TECPR2: variants seen among roughly 807,000 people sequenced by gnomAD.
TECPR2 encodes tectonin beta-propeller repeat-containing protein 2.
In TECPR2, 65 loss-of-function variants were observed where a neutral mutation model predicts 138.1. The observed-to-expected ratio is 0.47, with a 90% CI of 0.39 to 0.58. The LOEUF (loss-of-function observed/expected upper bound fraction) is 0.58, where lower values mean the gene tolerates loss of function less well. Ranked by LOEUF, TECPR2 falls within the 20% of genes least tolerant of loss-of-function variation. The pLI, the probability that TECPR2 is intolerant of heterozygous loss-of-function variation, is 0.00. For missense variants in TECPR2, 1,553 were observed against 1,824.5 expected, an observed-to-expected ratio of 0.85 and a Z score of 2.71; for synonymous variants, 746 against 749.8, an observed-to-expected ratio of 0.99 and a Z score of 0.08.
chr14:102,476,825 C>T (rs1332278518), intron 17 of TECPR2, among the ~76,000 whole-genome samples: 8 of 151,918 alleles, frequency 5.3e-5, no homozygotes, highest in Admixed American at 4.6e-4. Context: ...GAGGCTGAGG[C>T]GAGCAGATTG....
intron 16 of TECPR2, among the ~76,000 whole-genome samples, chr14:102,453,490 A>G (rs1160806488): frequency 5.3e-5 from 8 of 152,112 alleles, no homozygotes; most frequent in East Asian, 1.9e-4. Context: ...AAAAAAAAAA[A>G]AAGAAGAAGA....
At chr14:102,492,948 G>A (rs757263559) in intron 17 of TECPR2, among the ~76,000 whole-genome samples, 52 of 152,198 alleles carry the variant, frequency 3.4e-4, no homozygotes, top group Non-Finnish European at 6.2e-4. Context: ...TTCCAGAGAC[G>A]TTGCGAGGTG....
At chr14:102,481,201 T>A (rs908970108) in intron 17 of TECPR2, among the ~76,000 whole-genome samples, 1 of 151,672 alleles carries the variant, frequency 6.6e-6, no homozygotes, top group African/African-American at 2.4e-5. Context: ...ACGGGGTTTC[T>A]CCATGTTGGC....
intron 17 of TECPR2, among the ~76,000 whole-genome samples, chr14:102,492,245 T>C (rs1891173417): frequency 6.6e-6 from 1 of 152,170 alleles, no homozygotes; most frequent in Admixed American, 6.5e-5. Flanking sequence ...GCCTCTCACC[T>C]AGAGTGAGGG....
chr14:102,486,962 G>A (rs750087545), intron 17 of TECPR2, among the ~76,000 whole-genome samples: 4 of 152,190 alleles, frequency 2.6e-5, no homozygotes, highest in African/African-American at 9.6e-5. Flanking sequence ...CAGCTACCAC[G>A]GGGCCATGTG....
chr14:102,426,178 G>A (rs1316398530), intron 6 of TECPR2, among the ~76,000 whole-genome samples: 2 of 151,842 alleles, frequency 1.3e-5, no homozygotes, highest in East Asian at 1.9e-4. Flanking sequence ...GAACCGCCGC[G>A]CCCGGCCGCC....
intron 1 of TECPR2, among the ~76,000 whole-genome samples, chr14:102,373,802 T>G (rs1887568762): frequency 6.6e-6 from 1 of 152,108 alleles, no homozygotes; most frequent in Non-Finnish European, 1.5e-5. Flanking sequence ...AATCTAAGGC[T>G]GGGCGCGATG....
intron 17 of TECPR2, among the ~76,000 whole-genome samples, chr14:102,485,273 T>C (rs889474406): frequency 6.6e-6 from 1 of 152,236 alleles, no homozygotes; most frequent in African/African-American, 2.4e-5. Context: ...ACAACTATGC[T>C]GCCTGCAAAT....
intron 17 of TECPR2, among the ~76,000 whole-genome samples, chr14:102,489,927 G>C (rs1891117691): frequency 6.7e-6 from 1 of 149,156 alleles, no homozygotes; most frequent in Non-Finnish European, 1.5e-5. Context: ...CCAAAGAAAG[G>C]CTTGAGAAGA....
At chr14:102,392,311 A>C (rs1265746293) in intron 2 of TECPR2, among the ~76,000 whole-genome samples, 1 of 152,078 alleles carries the variant, frequency 6.6e-6, no homozygotes, top group East Asian at 1.9e-4. Flanking sequence ...ACTTATGTGT[A>C]GCTTGGACCT....
intron 17 of TECPR2, among the ~76,000 whole-genome samples, chr14:102,484,650 CT>C (rs1225226390): frequency 6.6e-6 from 1 of 152,110 alleles, no homozygotes. Context: ...TCTCTCTGTC[CT>C]TAGGAGATTT....
chr14:102,432,722 G>A (rs1009321415), intron 8 of TECPR2, among the ~76,000 whole-genome samples: 11 of 151,430 alleles, frequency 7.3e-5, no homozygotes, highest in Non-Finnish European at 1.3e-4. Flanking sequence ...TTAAAATGTC[G>A]GGGCCGGGCG....
intron 17 of TECPR2, among the ~76,000 whole-genome samples, chr14:102,476,498 G>T (rs1191787132): frequency 6.6e-6 from 1 of 152,052 alleles, no homozygotes; most frequent in Non-Finnish European, 1.5e-5. Flanking sequence ...CAGAAGAAAA[G>T]ACTAGTGAGC....
rs183504777 is a variant in TECPR2, at chr14:102,431,551, C to G, written c.1085-245C>G. On this transcript the variant is annotated intron_variant, in intron 7 of 19. Coordinates refer to ENST00000359520, the MANE Select transcript of TECPR2 (RefSeq NM_014844.5). The stretch of plus-strand genomic sequence containing the variant: ...TAGAGACGGGGTTTCACTGTGTTAG[C>G]CAGGATGGTCTTGATCTCCTGACCT... Among the ~76,000 whole-genome samples the G allele has an allele frequency of 5.1e-4, 77 of 152,154 alleles. 1 individual carries two copies. The highest frequency in any genetic ancestry group is 9.7e-4 in the East Asian group (5 of 5,148).
chr14:102,392,831 G>A lies in TECPR2; in HGVS notation c.220-14507G>A, dbSNP rs780915374. 4.6e-5 allele frequency among the ~76,000 whole-genome samples: 7 copies of A among 152,186 alleles called. 1 individual carries two copies. Among genetic ancestry groups the A allele is most frequent in the Non-Finnish European group, 7.3e-5 (5 of 68,044 alleles). On this transcript the variant is annotated intron_variant, in intron 2 of 19. Transcript: ENST00000359520. ...AACATAGAAGCACTTCAGATTAACC[G>A]TCTGCATAGAGCTTTGCTTGGAAAG...
Position 102,440,627 on chromosome 14 carries a change from T to G in TECPR2, c.2752+18T>G. 6.2e-7 allele frequency: 1 copy of G among 1,606,500 alleles called. No homozygotes were observed. The highest frequency in any genetic ancestry group is 8.5e-7 in the Non-Finnish European group (1 of 1,175,350). ...GCAGACAGGTAACCGCGGGCCACGC[T>G]TAGAGGCCTGCCAGCTCTGCCGTCA... On this transcript the variant is annotated intron_variant, in intron 11 of 19. Transcript: ENST00000359520.
intron 17 of TECPR2, 177 bp from the exon 18 acceptor site, chr14:102,496,802 G>C: frequency 1.1e-6 from 1 of 901,662 alleles, no homozygotes; most frequent in African/African-American, 1.7e-5. Context: ...CTGGAGACAA[G>C]TGACCATCTC....
chr14:102,417,868 C>G (rs1205415695), intron 5 of TECPR2, among the ~76,000 whole-genome samples: 1 of 148,614 alleles, frequency 6.7e-6, no homozygotes, highest in Non-Finnish European at 1.5e-5. Flanking sequence ...TCCAGGGGAG[C>G]CGTGGGGAGG....
intron 5 of TECPR2, among the ~76,000 whole-genome samples, chr14:102,418,535 G>A (rs368763650): frequency 2.6e-5 from 4 of 152,216 alleles, no homozygotes; most frequent in Admixed American, 2.0e-4. Context: ...AGGGCCCTGC[G>A]CACCGAGGAT....
Sources: gnomAD v4.1 joint callset for allele counts (sites outside exome capture counted in the v4.1 genomes callset) on GRCh38, gnomAD v4.1.1 for gene constraint, MANE v1.5 for transcripts, NCBI Gene and HGNC (gene_info 2026-07-23, HGNC 2026-07-21) for gene names.